The following SCGN variants were observed in gnomAD, a reference collection of about 807,000 sequenced individuals.
SCGN encodes the protein secretagogin, EF-hand calcium binding protein.
A neutral mutation model predicts 39.7 loss-of-function variants in SCGN; 30 were observed. The observed-to-expected ratio is 0.76, with a 90% CI of 0.57 to 1.03. The LOEUF is 1.03. Ranked by LOEUF, SCGN falls within the 50% of genes least tolerant of loss-of-function variation. The probability of loss-of-function intolerance (pLI) is 0.00; values close to 1 mark genes in which losing one functional copy is unlikely to be tolerated. For missense variants in SCGN, 353 were observed against 349.4 expected, an observed-to-expected ratio of 1.01 and a Z score of -0.08; for synonymous variants, 106 against 114.1, an observed-to-expected ratio of 0.93 and a Z score of 0.45.
chr6:25,685,264 G>C (rs2205936), intron 7 of SCGN, among the ~76,000 whole-genome samples: 61,712 of 152,020 alleles, frequency 0.41, 13,173 homozygotes, highest in East Asian at 0.7. Context: ...GCAGTGTGTC[G>C]CAGCAGCACT....
chr6:25,700,607 C>A (rs940797183), intron 10 of SCGN, among the ~76,000 whole-genome samples: 3 of 152,154 alleles, frequency 2.0e-5, no homozygotes, highest in Non-Finnish European at 4.4e-5. Flanking sequence ...CATGAAATAA[C>A]CTATGGAGAA....
At chr6:25,694,226 T>C (rs942671933) in intron 10 of SCGN, among the ~76,000 whole-genome samples, 21 of 152,346 alleles carry the variant, frequency 1.4e-4, no homozygotes, top group African/African-American at 4.3e-4. Flanking sequence ...GATTTTTGAA[T>C]CTGGATAATC....
chr6:25,701,177 C>T (rs1461556108), intron 10 of SCGN, 30 bp from the exon 11 acceptor site: 2 of 1,594,402 alleles, frequency 1.3e-6, no homozygotes, highest in Non-Finnish European at 1.7e-6. Context: ...ATTGGCTTGC[C>T]TGTTAACATG....
chr6:25,675,705 C>G (rs977313490), intron 6 of SCGN, among the ~76,000 whole-genome samples: 1 of 152,186 alleles, frequency 6.6e-6, no homozygotes, highest in African/African-American at 2.4e-5. Context: ...TATTTTATGC[C>G]TGGATCAAAG....
At chr6:25,666,504 T>C (rs532251428) in intron 4 of SCGN, among the ~76,000 whole-genome samples, 44 of 152,310 alleles carry the variant, frequency 2.9e-4, no homozygotes, top group African/African-American at 9.9e-4. Context: ...CTAACAATAA[T>C]GGAAAAGTTA....
At chr6:25,681,570 A>C (rs951097641) in intron 6 of SCGN, among the ~76,000 whole-genome samples, 8 of 152,206 alleles carry the variant, frequency 5.3e-5, no homozygotes, top group Non-Finnish European at 1.2e-4. Flanking sequence ...TTGGACAATA[A>C]AATTTTAATC....
chr6:25,676,624 C>T (rs1208284912), intron 6 of SCGN, among the ~76,000 whole-genome samples: 1 of 152,204 alleles, frequency 6.6e-6, no homozygotes, highest in African/African-American at 2.4e-5. Context: ...TGAGGCTTTC[C>T]ATTTCCATCC....
At chr6:25,663,998 T>C (rs933754930) in intron 3 of SCGN, among the ~76,000 whole-genome samples, 12 of 152,166 alleles carry the variant, frequency 7.9e-5, no homozygotes, top group African/African-American at 2.9e-4. Flanking sequence ...CAATTGTTTA[T>C]GGGAACAGCT....
intron 7 of SCGN, among the ~76,000 whole-genome samples, chr6:25,686,186 A>G (rs931003557): frequency 3.3e-5 from 5 of 152,118 alleles, no homozygotes; most frequent in African/African-American, 4.8e-5. Context: ...ACGTTGCTAC[A>G]TGTTTTGGGA....
intron 10 of SCGN, among the ~76,000 whole-genome samples, chr6:25,698,299 C>T (rs1759864005): frequency 6.6e-6 from 1 of 152,204 alleles, no homozygotes; most frequent in Admixed American, 6.5e-5. Flanking sequence ...ATTTTCTACT[C>T]ACTTGAAGGA....
chr6:25,694,351 AT>A (rs1270592363), intron 10 of SCGN, among the ~76,000 whole-genome samples: 25 of 152,294 alleles, frequency 1.6e-4, no homozygotes. Context: ...CAGACAAGAC[AT>A]TTTTTCCAGA....
At position 25,652,369 on chromosome 6, in the gene SCGN, TTCCGCGCCG is replaced by T; in HGVS notation, c.-34_-26del. ...GTCCTTCCCAAAGTTGTCTAGGTCC[TTCCGCGCCG>T]GTGCCTGGTCTTCGTCGTCAACACC... On this transcript the variant is annotated 5_prime_UTR_variant, in exon 1 of 11. Coordinates refer to ENST00000377961, the MANE Select transcript of SCGN (RefSeq NM_006998.4). The T allele has an allele frequency of 6.3e-7, 1 of 1,598,146 alleles. No individual in the cohort carries two copies.
intron 6 of SCGN, among the ~76,000 whole-genome samples, chr6:25,675,776 T>C (rs923307373): frequency 3.9e-5 from 6 of 152,230 alleles, no homozygotes; most frequent in African/African-American, 1.4e-4. Flanking sequence ...CAGGCCAATC[T>C]GATGCTCGTC....
chr6:25,684,231 G>C (rs1471508344), intron 7 of SCGN, among the ~76,000 whole-genome samples: 1 of 152,150 alleles, frequency 6.6e-6, no homozygotes, highest in Non-Finnish European at 1.5e-5. Context: ...TACTTGGGGG[G>C]ATTCAATGAG....
rs374085867 is a variant in SCGN at position 25,652,230 on chromosome 6, A to G, written c.-174A>G. 10 of 589,898 alleles carry G rather than the reference A, an allele frequency of 1.7e-5. No homozygotes were observed. Among genetic ancestry groups the G allele is most frequent in the African/African-American group, 1.7e-4 (9 of 53,244 alleles). The allele number at this position is 589,898 out of a possible 1,614,324, so 36.5% of individuals were successfully genotyped here. A position where few individuals can be genotyped will look rare whatever the true frequency, so the allele number is the denominator to read the frequency against. ...CGCTGGTTTTGCTGAGGGCTGAGGG[A>G]CGGCTCAGCGACGCCACGGCCAGCA... On this transcript the variant is annotated 5_prime_UTR_variant, in exon 1 of 11. Transcript: ENST00000377961.
At chr6:25,690,994 T>G (rs1360620131) in intron 9 of SCGN, 62 bp from the exon 10 acceptor site, 2 of 1,293,048 alleles carry the variant, frequency 1.5e-6, no homozygotes, top group Non-Finnish European at 2.2e-6. Flanking sequence ...TTACCTAAGT[T>G]ATTGCCTTGC....
chr6:25,660,531 G>A (rs1042212990), intron 2 of SCGN, among the ~76,000 whole-genome samples: 2 of 152,160 alleles, frequency 1.3e-5, no homozygotes, highest in Admixed American at 1.3e-4. Flanking sequence ...CTTGCACCTG[G>A]GTTGTTCTGG....
Position 25,665,009 on chromosome 6 carries a change from G to T in SCGN, c.313G>T (p.Asp105Tyr), listed in dbSNP as rs746529272. 6.8e-6 allele frequency: 11 copies of T among 1,613,960 alleles called. No individual in the cohort carries two copies. The highest frequency in any genetic ancestry group is 5.9e-6 in the Non-Finnish European group (7 of 1,179,886). Reference sequence around the variant, plus strand: ...GCTCTTTCGCCGGGAAAACCCACTGGACAGCAGCGTGGAGTTTATGCAGGT... The same window carrying T: ...GCTCTTTCGCCGGGAAAACCCACTGTACAGCAGCGTGGAGTTTATGCAGGT... The part of the protein sequence containing the change: ...LLLFRRENPL[D>Y]SSVEFMQIWR... The change falls in exon 4 of 11, where the codon GAC becomes TAC. Residue 105 changes from aspartate (D) to tyrosine (Y), a missense_variant. Physicochemically the swap from Asp to Tyr is radical, Grantham distance 160. Transcript: ENST00000377961.
At chr6:25,681,859 T>C (rs1759640695) in intron 6 of SCGN, 92 bp from the exon 7 acceptor site, 3 of 1,066,182 alleles carry the variant, frequency 2.8e-6, no homozygotes, top group Middle Eastern at 2.0e-4. Context: ...TAGGCAAATA[T>C]GTAATCAGAA....
Sources: allele counts gnomAD v4.1 joint callset (sites outside exome capture counted in the v4.1 genomes callset), GRCh38; gene constraint gnomAD v4.1.1; transcripts MANE v1.5; gene names NCBI Gene and HGNC (gene_info 2026-07-23, HGNC 2026-07-21).